Variants in CRTC1 observed in about 807,000 individuals in gnomAD.
CRTC1 encodes CREB regulated transcription coactivator 1.
A neutral mutation model predicts 66.1 loss-of-function variants in CRTC1; 18 were observed. That is an observed-to-expected ratio of 0.27 (90% CI 0.19 to 0.40). CRTC1 has a LOEUF of 0.40. Ranked by LOEUF, CRTC1 falls within the 10% of genes least tolerant of loss-of-function variation. The pLI is 1.00. For missense variants in CRTC1, 669 were observed against 887.9 expected (o/e 0.75, Z 3.13); for synonymous variants, 416 against 398.8 (o/e 1.04, Z -0.51).
intron 1 of CRTC1, among the ~76,000 whole-genome samples, chr19:18,734,659 C>T (rs1232456061): frequency 1.3e-5 from 2 of 152,196 alleles, no homozygotes; most frequent in African/African-American, 2.4e-5. Flanking sequence ...GCCTGGGCCA[C>T]AGACAAAGAC....
chr19:18,765,279 A>G (rs1433830686), intron 8 of CRTC1, 125 bp from the exon 9 acceptor site: 21 of 1,385,096 alleles, frequency 1.5e-5, no homozygotes, highest in East Asian at 2.5e-5. Flanking sequence ...CAGTTGGGAC[A>G]TGTCCATGGG....
Position 18,779,461 on chromosome 19 carries a change from T to A in CRTC1, c.*2079T>A. 4.6e-6 allele frequency: 1 copy of A among 218,216 alleles called. No individual in the cohort carries two copies. 13.5% of individuals were successfully genotyped at this position (218,216 alleles called of 1,614,324 possible). Reference sequence around the variant, plus strand: ...GCTGGGGGCAGACAGCGGGGACTTTTTTTTTTTTTTAAGAAAAACTACATG... The same window carrying A: ...GCTGGGGGCAGACAGCGGGGACTTTATTTTTTTTTTAAGAAAAACTACATG... On this transcript the variant is annotated 3_prime_UTR_variant, in exon 14 of 14. Transcript: ENST00000321949.
chr19:18,747,052 C>T lies in CRTC1; in HGVS notation c.382-1C>T. On this transcript the variant is annotated splice_acceptor_variant, in intron 3 of 13. Transcript: ENST00000321949. LOFTEE classifies it high-confidence loss of function. ...GGCACTGCCCCCTTAACTCACCTCA[C>T]GCCGACAGCTGCCCCTATGGCACCA... The T allele has an allele frequency of 6.2e-7, 1 of 1,613,174 alleles. No homozygotes were observed. Among genetic ancestry groups the T allele is most frequent in the Non-Finnish European group, 8.5e-7 (1 of 1,179,666 alleles).
intron 1 of CRTC1, among the ~76,000 whole-genome samples, chr19:18,703,394 T>C (rs1259289801): frequency 6.6e-6 from 1 of 152,192 alleles, no homozygotes; most frequent in Non-Finnish European, 1.5e-5. Context: ...GGATTGCTCC[T>C]TTAAGCACCT....
rs943658710 is a variant in CRTC1, at chr19:18,779,378, C to T, written c.*1996C>T. On this transcript the variant is annotated 3_prime_UTR_variant, in exon 14 of 14. Coordinates refer to ENST00000321949, the MANE Select transcript of CRTC1 (RefSeq NM_015321.3). The stretch of plus-strand genomic sequence containing the variant: ...CCTGCTGCCGTCTTGTTCCAAGGTG[C>T]GGGGGGGACACTGTTGGTCTGTCCA... The T allele has an allele frequency of 3.1e-5, 7 of 222,992 alleles. No individual in the cohort carries two copies. The highest frequency in any genetic ancestry group is 1.1e-4 in the African/African-American group (5 of 44,682). The allele number at this position is 222,992 out of a possible 1,614,324, so 13.8% of individuals were successfully genotyped here.
chr19:18,732,633 T>C (rs1359070046), intron 1 of CRTC1, among the ~76,000 whole-genome samples: 1 of 152,124 alleles, frequency 6.6e-6, no homozygotes, highest in Non-Finnish European at 1.5e-5. Flanking sequence ...AGATGATGAA[T>C]GGGAACTGTT....
At chr19:18,747,923 G>A (rs567736180) in intron 4 of CRTC1, among the ~76,000 whole-genome samples, 6 of 151,986 alleles carry the variant, frequency 3.9e-5, no homozygotes, top group African/African-American at 1.4e-4. Flanking sequence ...CAAAAAATGA[G>A]AGAATTAGCC....
At chr19:18,706,179 G>T in intron 1 of CRTC1, among the ~76,000 whole-genome samples, 2 of 30,722 alleles carry the variant, frequency 6.5e-5, no homozygotes, top group Admixed American at 4.1e-4. Flanking sequence ...CTATTCCATT[G>T]GTCTTTTTTT....
At chr19:18,692,388 CAG>C (rs2145482198) in intron 1 of CRTC1, among the ~76,000 whole-genome samples, 1 of 152,272 alleles carries the variant, frequency 6.6e-6, no homozygotes, top group African/African-American at 2.4e-5. Flanking sequence ...GCATGAAAAA[CAG>C]AAATTAATTC....
chr19:18,735,166 C>T (rs1279257919), intron 1 of CRTC1, among the ~76,000 whole-genome samples: 2 of 152,178 alleles, frequency 1.3e-5, no homozygotes, highest in Non-Finnish European at 2.9e-5. Flanking sequence ...AAGTCAGGGG[C>T]AGAAGGCTTT....
chr19:18,718,531 CAG>C (rs2053556144), intron 1 of CRTC1, among the ~76,000 whole-genome samples: 1 of 144,666 alleles, frequency 6.9e-6, no homozygotes, highest in Non-Finnish European at 1.5e-5. Context: ...TTTTTAGAAA[CAG>C]GGTTTCACCA....
At chr19:18,708,314 T>G (rs1457206989) in intron 1 of CRTC1, among the ~76,000 whole-genome samples, 1 of 151,894 alleles carries the variant, frequency 6.6e-6, no homozygotes, top group African/African-American at 2.4e-5. Context: ...TAAGAAAGGC[T>G]AGAGAAAAGG....
At chr19:18,750,011 G>T in intron 5 of CRTC1, 136 bp downstream of exon 5, 2 of 709,746 alleles carry the variant, frequency 2.8e-6, no homozygotes, top group Non-Finnish European at 5.0e-6. Flanking sequence ...GGGATCGGGG[G>T]AGGGGATCGG....
chr19:18,763,570 C>T (rs185496914), intron 8 of CRTC1, among the ~76,000 whole-genome samples: 2 of 152,204 alleles, frequency 1.3e-5, no homozygotes, highest in African/African-American at 4.8e-5. Flanking sequence ...AGAAGTCACC[C>T]CCATTGTTAA....
chr19:18,685,342 G>A (rs1435062999), intron 1 of CRTC1, among the ~76,000 whole-genome samples: 1 of 151,874 alleles, frequency 6.6e-6, no homozygotes, highest in East Asian at 1.9e-4. Context: ...AGAGATGGCT[G>A]GTGAATGAAT....
chr19:18,737,258 TG>T (rs912932553), intron 1 of CRTC1, among the ~76,000 whole-genome samples: 12 of 42,734 alleles, frequency 2.8e-4, no homozygotes, highest in African/African-American at 1.0e-3. Context: ...AGGGGTCAGG[TG>T]GGGGGGTAGG....
At chr19:18,746,956 C>CCCCAGCCAGCCAG in intron 3 of CRTC1, 97 bp from the exon 4 acceptor site, 1 of 1,202,060 alleles carries the variant, frequency 8.3e-7, no homozygotes, top group East Asian at 2.4e-5. Context: ...CTCAGGCCGA[C>CCCCAGCCAGCCAG]CCCAGCCAGC....
rs192788050 is a variant in CRTC1, at chr19:18,697,132, G to A, written c.126+13304G>A. 1.5e-4 allele frequency among the ~76,000 whole-genome samples: 23 copies of A among 152,198 alleles called. No individual in the cohort carries two copies. The East Asian group carries it at 2.1e-3, about 14-fold the overall frequency. ...AGGTGTGTAAATAAGGAAGTGCCGC[G>A]TGCCTCGAGGGCCAGGGATGCCCGA... On this transcript the variant is annotated intron_variant, in intron 1 of 13. Coordinates refer to ENST00000321949, the MANE Select transcript of CRTC1 (RefSeq NM_015321.3).
At chr19:18,747,601 C>A (rs1340021373) in intron 4 of CRTC1, among the ~76,000 whole-genome samples, 5 of 152,126 alleles carry the variant, frequency 3.3e-5, no homozygotes, top group Non-Finnish European at 5.9e-5. Flanking sequence ...CCACTGCACT[C>A]CAGCCTGGGT....
Sources: gnomAD v4.1 joint callset for allele counts (sites outside exome capture counted in the v4.1 genomes callset) on GRCh38, gnomAD v4.1.1 for gene constraint, MANE v1.5 for transcripts, NCBI Gene and HGNC (gene_info 2026-07-23, HGNC 2026-07-21) for gene names.